ITGA1: variants seen among roughly 807,000 people sequenced by gnomAD.
The protein encoded by ITGA1 is integrin alpha-1.
In ITGA1, 85 loss-of-function variants were observed where a neutral mutation model predicts 145.9. The observed-to-expected ratio is 0.58, with a 90% CI of 0.49 to 0.70. The LOEUF (loss-of-function observed/expected upper bound fraction) is 0.70. ITGA1 is among the 30% of genes least tolerant of loss of function. ITGA1 has a pLI of 0.00. For synonymous variants in ITGA1, 520 were observed against 495.3 expected (o/e 1.05, Z -0.66); for missense variants, 1,351 against 1,418.7 (o/e 0.95, Z 0.77).
chr5:52,906,281 C>G (rs1454953850), intron 12 of ITGA1, among the ~76,000 whole-genome samples: 4 of 152,072 alleles, frequency 2.6e-5, no homozygotes, highest in Non-Finnish European at 2.9e-5. Flanking sequence ...CGGGCTGAAT[C>G]TACAAGGGAT....
At chr5:52,805,391 T>A (rs897888927) in intron 1 of ITGA1, among the ~76,000 whole-genome samples, 12 of 151,860 alleles carry the variant, frequency 7.9e-5, no homozygotes, top group Admixed American at 7.9e-4. Context: ...ATTAGGAAGA[T>A]ATGAGAGAAA....
At chr5:52,800,175 T>G (rs1485935231) in intron 1 of ITGA1, 19 of 578,280 alleles carry the variant, frequency 3.3e-5, no homozygotes, top group Non-Finnish European at 5.6e-5. Context: ...CCCGAGCCTG[T>G]TAGACGCAGC....
chr5:52,801,910 GT>G, intron 1 of ITGA1: 2 of 1,222,536 alleles, frequency 1.6e-6, no homozygotes, highest in Non-Finnish European at 2.3e-6. Context: ...CAGCATCCTT[GT>G]GACAGAAAGC....
chr5:52,800,938 T>C (rs1372074316), intron 1 of ITGA1: 1 of 1,614,084 alleles, frequency 6.2e-7, no homozygotes, highest in African/African-American at 1.3e-5. Flanking sequence ...TGACCGGGCC[T>C]TGGAGCGGTT....
At chr5:52,859,273 G>A (rs549619297) in intron 2 of ITGA1, among the ~76,000 whole-genome samples, 99 of 152,092 alleles carry the variant, frequency 6.5e-4, no homozygotes, top group Admixed American at 2.6e-3. Flanking sequence ...GCTATAGAAT[G>A]ATCCTGAAAT....
chr5:52,808,671 TC>T, intron 1 of ITGA1, among the ~76,000 whole-genome samples: 1 of 48,388 alleles, frequency 2.1e-5, no homozygotes, highest in Non-Finnish European at 4.2e-5. Context: ...TTTCTTTCTT[TC>T]TTTCTTTTTT....
chr5:52,912,661 T>A (rs1204016540), intron 14 of ITGA1, among the ~76,000 whole-genome samples: 1 of 147,178 alleles, frequency 6.8e-6, no homozygotes, highest in South Asian at 2.1e-4. Flanking sequence ...CTATATATAG[T>A]GTATCTATAA....
chr5:52,920,929 G>C (rs1291901576), intron 17 of ITGA1, among the ~76,000 whole-genome samples: 1 of 151,888 alleles, frequency 6.6e-6, no homozygotes, highest in Non-Finnish European at 1.5e-5. Flanking sequence ...TTTGATTTTA[G>C]AGCGAAGGGG....
chr5:52,924,782 T>TG (rs1750778462), intron 18 of ITGA1, among the ~76,000 whole-genome samples: 2 of 152,040 alleles, frequency 1.3e-5, no homozygotes, highest in African/African-American at 4.8e-5. Flanking sequence ...AGGAGTAGAA[T>TG]GGACAGGGCT....
intron 1 of ITGA1, among the ~76,000 whole-genome samples, chr5:52,812,187 C>T (rs534481727): frequency 2.2e-4 from 33 of 152,304 alleles, no homozygotes; most frequent in African/African-American, 7.2e-4. Context: ...TTTAATGCCT[C>T]ACTGTGGGAT....
At chr5:52,870,321 C>T (rs1321939158) in intron 6 of ITGA1, among the ~76,000 whole-genome samples, 1 of 152,104 alleles carries the variant, frequency 6.6e-6, no homozygotes, top group Non-Finnish European at 1.5e-5. Context: ...CTGAAAGGAA[C>T]AGATGTAAAA....
chr5:52,894,744 A>G lies in ITGA1; in HGVS notation c.1090+904A>G, dbSNP rs1318611112. The stretch of plus-strand genomic sequence containing the variant: ...GTTGTTTCTACATCTTAACAATAGA[A>G]ATTTAAAAGCACTTTCTCAGTTTCC... On this transcript the variant is annotated intron_variant, in intron 9 of 28. Coordinates refer to ENST00000282588, the MANE Select transcript of ITGA1 (RefSeq NM_181501.2). Among the ~76,000 whole-genome samples the G allele has an allele frequency of 2.0e-5, 3 of 152,280 alleles. No homozygotes were observed. In the East Asian group the frequency reaches 5.8e-4, roughly 29 times the overall value.
chr5:52,789,417 T>C (rs1456214814), intron 1 of ITGA1, among the ~76,000 whole-genome samples: 2 of 152,208 alleles, frequency 1.3e-5, no homozygotes, highest in Non-Finnish European at 2.9e-5. Flanking sequence ...TTTTTACCAC[T>C]AAAAACAGGG....
chr5:52,918,618 G>C, intron 15 of ITGA1, 114 bp from the exon 16 acceptor site: 4 of 860,430 alleles, frequency 4.6e-6, no homozygotes, highest in Non-Finnish European at 7.0e-6. Context: ...AGTCCTGAGC[G>C]CTGTATTATA....
chr5:52,903,562 T>C (rs1750350478), intron 11 of ITGA1: 1 of 152,202 alleles, frequency 6.6e-6, no homozygotes, highest in African/African-American at 2.4e-5. Flanking sequence ...AGAATAAACA[T>C]ACTGTATAAA....
chr5:52,890,386 G>A (rs965195422), intron 8 of ITGA1, among the ~76,000 whole-genome samples: 20 of 152,224 alleles, frequency 1.3e-4, no homozygotes, highest in South Asian at 1.2e-3. Flanking sequence ...TTGCATATCT[G>A]TATAGTTCAT....
At chr5:52,833,824 C>T (rs1032225081) in intron 1 of ITGA1, among the ~76,000 whole-genome samples, 2 of 151,956 alleles carry the variant, frequency 1.3e-5, no homozygotes, top group African/African-American at 4.8e-5. Flanking sequence ...GGTATATTAA[C>T]TTTGTGGAAT....
chr5:52,918,081 A>T (rs779247205), intron 15 of ITGA1, among the ~76,000 whole-genome samples: 5 of 152,174 alleles, frequency 3.3e-5, no homozygotes, highest in African/African-American at 1.2e-4. Context: ...GGATTAGTAG[A>T]CATTACTGGG....
At chr5:52,802,491 A>G (rs747479120) in intron 1 of ITGA1, 1 of 152,198 alleles carries the variant, frequency 6.6e-6, no homozygotes, top group Non-Finnish European at 1.5e-5. Context: ...TTTAGAGGGT[A>G]ACTTAAATCA....
Sources: allele counts gnomAD v4.1 joint callset (sites outside exome capture counted in the v4.1 genomes callset), GRCh38; gene constraint gnomAD v4.1.1; transcripts MANE v1.5; gene names NCBI Gene and HGNC (gene_info 2026-07-23, HGNC 2026-07-21).